Variants in RASSF9 observed in about 807,000 individuals in gnomAD.
RASSF9 encodes ras association domain-containing protein 9.
RASSF9 carries 18 observed loss-of-function variants against 21.4 expected under a neutral mutation model. The ratio of observed to expected loss-of-function variants is 0.84; its 90% CI spans 0.58 to 1.25. RASSF9 has a LOEUF of 1.25. Ranked by LOEUF, RASSF9 falls within the 50% of genes most tolerant of loss-of-function variation. The probability of loss-of-function intolerance (pLI) is 0.00; values close to 1 mark genes in which losing one functional copy is unlikely to be tolerated. For synonymous variants in RASSF9, 183 were observed against 179.1 expected, an observed-to-expected ratio of 1.02 and a Z score of -0.18; for missense variants, 480 against 503.2, an observed-to-expected ratio of 0.95 and a Z score of 0.44.
At chr12:85,806,672 CAAAAAAA>C (rs71076150) in intron 1 of RASSF9, among the ~76,000 whole-genome samples, 4 of 54,822 alleles carry the variant, frequency 7.3e-5, no homozygotes, top group East Asian at 2.8e-3. Context: ...GACTCCATCT[CAAAAAAA>C]AAAAAAAAAA....
Position 85,805,884 on chromosome 12 carries a change from C to T in RASSF9, c.126G>A (p.Gly42=). 1 of 1,613,916 alleles carries T rather than the reference C, an allele frequency of 6.2e-7. No homozygotes were observed. The highest frequency in any genetic ancestry group is 8.5e-7 in the Non-Finnish European group (1 of 1,179,852). Residue 42 remains glycine, a synonymous_variant, in exon 2 of 2, where the codon GGG becomes GGA. Coordinates refer to ENST00000361228, the MANE Select transcript of RASSF9 (RefSeq NM_005447.4). ...WVCQEEKLVC[G]LTKRTTSADV... is the part of the protein sequence containing the mutation. ...CAGCAGAGGTGGTGCGTTTAGTCAG[C>T]CCACAGACAAGCTTCTCTTCTTGGC...
chr12:85,813,036 G>C (rs999132694), intron 1 of RASSF9, among the ~76,000 whole-genome samples: 1 of 151,744 alleles, frequency 6.6e-6, no homozygotes, highest in African/African-American at 2.4e-5. Context: ...TTCTGATTTT[G>C]ACTAAATTTG....
chr12:85,831,237 T>C (rs569534996), intron 1 of RASSF9, among the ~76,000 whole-genome samples: 11 of 152,066 alleles, frequency 7.2e-5, no homozygotes, highest in Non-Finnish European at 1.2e-4. Flanking sequence ...CTCCTGGAAC[T>C]ACATGCCAAT....
chr12:85,815,821 T>TCTCC (rs1341049305), intron 1 of RASSF9, among the ~76,000 whole-genome samples: 1 of 152,034 alleles, frequency 6.6e-6, no homozygotes, highest in Non-Finnish European at 1.5e-5. Context: ...TTTGTTTAAG[T>TCTCC]TCCTTATAGA....
intron 1 of RASSF9, among the ~76,000 whole-genome samples, chr12:85,834,420 G>A (rs762101277): frequency 1.3e-5 from 2 of 151,932 alleles, no homozygotes; most frequent in Non-Finnish European, 2.9e-5. Flanking sequence ...AAAAATGTTT[G>A]CATACTCACC....
In RASSF9 at chr12:85,805,802, G is replaced by T; in HGVS notation, c.208C>A (p.Leu70Ile). The change falls in exon 2 of 2, where the codon CTT becomes ATT. Residue 70 changes from leucine to isoleucine, a missense_variant. Coordinates refer to ENST00000361228, the MANE Select transcript of RASSF9 (RefSeq NM_005447.4). ...HEATFGEKRF[L>I]LGKPSDYCII... ...CAGTAATCACTGGGCTTCCCCAGAAGAAATCGTTTCTCTCCAAACGTAGCC... is the reference window on the plus strand; with the variant it reads ...CAGTAATCACTGGGCTTCCCCAGAATAAATCGTTTCTCTCCAAACGTAGCC... 1 of 1,613,902 alleles carries T rather than the reference G, an allele frequency of 6.2e-7. No individual in the cohort carries two copies. Among genetic ancestry groups the T allele is most frequent in the Non-Finnish European group, 8.5e-7 (1 of 1,179,890 alleles).
intron 1 of RASSF9, among the ~76,000 whole-genome samples, chr12:85,822,278 G>A (rs890233594): frequency 1.5e-4 from 23 of 151,964 alleles, no homozygotes; most frequent in Admixed American, 6.6e-5. Context: ...AATGTATTCC[G>A]AGATAAGCTG....
chr12:85,824,992 G>A (rs1592532791), intron 1 of RASSF9, among the ~76,000 whole-genome samples: 1 of 152,058 alleles, frequency 6.6e-6, no homozygotes, highest in East Asian at 1.9e-4. Flanking sequence ...AAATGGAAAT[G>A]TGTGCTCATT....
chr12:85,814,259 C>T (rs1409345582), intron 1 of RASSF9, among the ~76,000 whole-genome samples: 4 of 151,944 alleles, frequency 2.6e-5, no homozygotes, highest in African/African-American at 9.7e-5. Context: ...GGGTGATTTG[C>T]CCCCAGGAGA....
At chr12:85,823,199 C>CAAA (rs1164958967) in intron 1 of RASSF9, among the ~76,000 whole-genome samples, 88 of 93,058 alleles carry the variant, frequency 9.5e-4, no homozygotes, top group African/African-American at 2.4e-3. Flanking sequence ...AACTCCGTCT[C>CAAA]AAAAAAAAAA....
chr12:85,832,072 T>A (rs1220526841), intron 1 of RASSF9, among the ~76,000 whole-genome samples: 1 of 151,928 alleles, frequency 6.6e-6, no homozygotes, highest in Non-Finnish European at 1.5e-5. Context: ...TGGTGGATAT[T>A]CATATATCAG....
chr12:85,831,256 ATCAAAAC>A (rs1565758064), intron 1 of RASSF9, among the ~76,000 whole-genome samples: 1 of 152,098 alleles, frequency 6.6e-6, no homozygotes, highest in Non-Finnish European at 1.5e-5. Context: ...ATAACATAAC[ATCAAAAC>A]TTCCTGAGTT....
chr12:85,806,503 T>C (rs1324225309), intron 1 of RASSF9, among the ~76,000 whole-genome samples: 1 of 150,206 alleles, frequency 6.7e-6, no homozygotes, highest in Non-Finnish European at 1.5e-5. Flanking sequence ...ATAAACCCCG[T>C]CTCTACTAAA....
rs778242969 is a variant in RASSF9 at position 85,802,346 on chromosome 12, G to A, written c.*2356C>T. On this transcript the variant is annotated 3_prime_UTR_variant, in exon 2 of 2. Coordinates refer to ENST00000361228, the MANE Select transcript of RASSF9 (RefSeq NM_005447.4). Reference sequence around the variant, plus strand: ...TGTGTTAATATATTAACATGTAACTGTAAATTAAGAGGTTCACCATGGTAG... The same window carrying A: ...TGTGTTAATATATTAACATGTAACTATAAATTAAGAGGTTCACCATGGTAG... The A allele has an allele frequency of 1.6e-4, 24 of 152,084 alleles. No individual in the cohort carries two copies. The highest frequency in any genetic ancestry group is 1.0e-3 in the Admixed American group (16 of 15,276). 9.4% of individuals were successfully genotyped at this position (152,084 alleles called of 1,614,324 possible). A position where few individuals can be genotyped will look rare whatever the true frequency, so the allele number is the denominator to read the frequency against.
intron 1 of RASSF9, among the ~76,000 whole-genome samples, chr12:85,817,545 A>G (rs143366781): frequency 0.047 from 7,116 of 152,108 alleles, 234 homozygotes; most frequent in Non-Finnish European, 0.073. Flanking sequence ...TACAATTTTT[A>G]ATAAAAATTT....
At chr12:85,824,643 T>A (rs1880291124) in intron 1 of RASSF9, among the ~76,000 whole-genome samples, 1 of 152,198 alleles carries the variant, frequency 6.6e-6, no homozygotes, top group Non-Finnish European at 1.5e-5. Context: ...TCTTGTCTGC[T>A]CCTAGGGTTG....
intron 1 of RASSF9, among the ~76,000 whole-genome samples, chr12:85,833,922 T>C (rs573470413): frequency 6.6e-6 from 1 of 152,158 alleles, no homozygotes; most frequent in African/African-American, 2.4e-5. Flanking sequence ...AGAAAAGATA[T>C]TTTGTTTCTG....
chr12:85,804,474 A>T lies in RASSF9; in HGVS notation c.*228T>A, dbSNP rs1879770084. 1 of 431,700 alleles carries T rather than the reference A, an allele frequency of 2.3e-6. No homozygotes were observed. Among genetic ancestry groups the T allele is most frequent in the Non-Finnish European group, 4.1e-6 (1 of 245,726 alleles). 26.7% of individuals were successfully genotyped at this position (431,700 alleles called of 1,614,324 possible). A position where few individuals can be genotyped will look rare whatever the true frequency, so the allele number is the denominator to read the frequency against. ...ATTATTTCTGTGTTCTACAACGACA[A>T]GCTATTTGTGCTGCATTCGTGATAA... is the stretch of plus-strand genomic sequence containing the variant. On this transcript the variant is annotated 3_prime_UTR_variant, in exon 2 of 2. Transcript: ENST00000361228.
At chr12:85,810,918 A>G (rs78620301) in intron 1 of RASSF9, among the ~76,000 whole-genome samples, 1 of 150,134 alleles carries the variant, frequency 6.7e-6, no homozygotes, top group African/African-American at 2.4e-5. Context: ...GTTCTGTTTT[A>G]CTTTGTGTGT....
Sources: gnomAD v4.1 joint callset for allele counts (sites outside exome capture counted in the v4.1 genomes callset) on GRCh38, gnomAD v4.1.1 for gene constraint, MANE v1.5 for transcripts, NCBI Gene and HGNC (gene_info 2026-07-23, HGNC 2026-07-21) for gene names.